The following PBX3 variants were observed in gnomAD, a reference collection of about 807,000 sequenced individuals.
PBX3 encodes the protein pre-B-cell leukemia transcription factor 3.
PBX3 carries 14 observed loss-of-function variants against 48.5 expected under a neutral mutation model. That is an observed-to-expected ratio of 0.29 (90% CI 0.19 to 0.45). PBX3 has a LOEUF of 0.45. Ranked by LOEUF, PBX3 falls within the 20% of genes least tolerant of loss-of-function variation. The probability of loss-of-function intolerance (pLI) is 1.00; values close to 1 mark genes in which losing one functional copy is unlikely to be tolerated. For synonymous variants in PBX3, 210 were observed against 200.3 expected, an observed-to-expected ratio of 1.05 and a Z score of -0.41; for missense variants, 386 against 546.7, an observed-to-expected ratio of 0.71 and a Z score of 2.93.
Position 125,943,352 on chromosome 9 carries a change from CAAAAAAAAAAAAAAAAAAAAAAAAAAAAA to C in PBX3, c.843+7764_843+7792del, listed in dbSNP as rs60326557. ...CTTGGGCTGCAGAGTGAGACTGTCT[CAAAAAAAAAAAAAAAAAAAAAAAAAAAAA>C]AAAAAAAAAAAAAAAAAAGAAAGGA... On this transcript the variant is annotated intron_variant, in intron 5 of 8. Transcript: ENST00000373489. Among the ~76,000 whole-genome samples the C allele has an allele frequency of 1.5e-3, 90 of 60,882 alleles. No homozygotes were observed. The East Asian group carries it at 0.025, about 17-fold the overall frequency. 39.9% of individuals were successfully genotyped at this position (60,882 alleles called of 152,430 possible). A position where few individuals can be genotyped will look rare whatever the true frequency, so the allele number is the denominator to read the frequency against.
chr9:125,863,518 T>C (rs1292725202), intron 2 of PBX3, among the ~76,000 whole-genome samples: 1 of 152,216 alleles, frequency 6.6e-6, no homozygotes, highest in Non-Finnish European at 1.5e-5. Context: ...CCCTGACATA[T>C]GATTTTTAAA....
intron 5 of PBX3, among the ~76,000 whole-genome samples, chr9:125,936,636 T>C (rs1841842251): frequency 6.6e-6 from 1 of 152,182 alleles, no homozygotes; most frequent in African/African-American, 2.4e-5. Context: ...GAATAGGGCC[T>C]GGGTGTAAGA....
At chr9:125,831,045 T>C (rs1333073537) in intron 2 of PBX3, among the ~76,000 whole-genome samples, 3 of 152,244 alleles carry the variant, frequency 2.0e-5, no homozygotes, top group Non-Finnish European at 4.4e-5. Context: ...CTTTTTCATA[T>C]ACCATTGACT....
intron 2 of PBX3, among the ~76,000 whole-genome samples, chr9:125,783,469 G>A (rs1467121724): frequency 6.6e-6 from 1 of 151,922 alleles, no homozygotes; most frequent in Non-Finnish European, 1.5e-5. Context: ...TGTATTTTTA[G>A]TAGAGATGGG....
intron 3 of PBX3, among the ~76,000 whole-genome samples, chr9:125,927,725 A>G (rs558953556): frequency 6.6e-6 from 1 of 152,208 alleles, no homozygotes; most frequent in Admixed American, 6.5e-5. Flanking sequence ...GCCCAGTTAT[A>G]CAGATTTATA....
rs1840842441 is a variant in PBX3 at position 125,899,035 on chromosome 9, C to G, written c.275-16651C>G. 6.0e-5 allele frequency among the ~76,000 whole-genome samples: 9 copies of G among 150,848 alleles called. No homozygotes were observed. In the South Asian group the frequency reaches 1.9e-3, roughly 31 times the overall value. ...CAGGAGGTGTTTTTCTCCAATAAGTCGTTTGGTAAAAGAAACATCTGTGGT... is the reference window on the plus strand; with the variant it reads ...CAGGAGGTGTTTTTCTCCAATAAGTGGTTTGGTAAAAGAAACATCTGTGGT... On this transcript the variant is annotated intron_variant, in intron 2 of 8. Transcript: ENST00000373489.
At position 125,876,089 on chromosome 9, in the gene PBX3, A is replaced by G. The variant is rs566023472; in HGVS notation, c.275-39597A>G. 9.3e-4 allele frequency among the ~76,000 whole-genome samples: 141 copies of G among 152,328 alleles called. 3 individuals carry two copies. In the Middle Eastern group the frequency reaches 0.014, roughly 15 times the overall value. On this transcript the variant is annotated intron_variant, in intron 2 of 8. Coordinates refer to ENST00000373489, the MANE Select transcript of PBX3 (RefSeq NM_006195.6). Reference sequence around the variant, plus strand: ...AATTCCTCATATCATTTTCTGTAGTATGCTTTAAATGTATATCATGTTTTA... The same window carrying G: ...AATTCCTCATATCATTTTCTGTAGTGTGCTTTAAATGTATATCATGTTTTA...
rs547066954 is a variant in PBX3, at chr9:125,890,999, G to T, written c.275-24687G>T. On this transcript the variant is annotated intron_variant, in intron 2 of 8. Coordinates refer to ENST00000373489, the MANE Select transcript of PBX3 (RefSeq NM_006195.6). The stretch of plus-strand genomic sequence containing the variant: ...AACTAGGCCATCCTTTCAAGGCCAT[G>T]TGTAGTTGCCAACCATGATAACATT... Among the ~76,000 whole-genome samples the T allele has an allele frequency of 3.0e-4, 45 of 152,336 alleles. No homozygotes were observed. The South Asian group carries it at 8.9e-3, about 30-fold the overall frequency.
chr9:125,799,314 A>C (rs1263799492), intron 2 of PBX3, among the ~76,000 whole-genome samples: 1 of 152,118 alleles, frequency 6.6e-6, no homozygotes, highest in African/African-American at 2.4e-5. Context: ...GGAGTTTGAG[A>C]CCAGCCTGGG....
intron 2 of PBX3, among the ~76,000 whole-genome samples, chr9:125,809,224 G>A (rs1245684393): frequency 1.3e-5 from 2 of 152,216 alleles, no homozygotes; most frequent in South Asian, 2.1e-4. Context: ...ACTGTTCCTT[G>A]CATATGCGTG....
At chr9:125,853,710 C>T (rs1348133532) in intron 2 of PBX3, among the ~76,000 whole-genome samples, 3 of 152,132 alleles carry the variant, frequency 2.0e-5, no homozygotes, top group Non-Finnish European at 4.4e-5. Flanking sequence ...GTTAAGTTTC[C>T]TTATTAAAGA....
intron 2 of PBX3, among the ~76,000 whole-genome samples, chr9:125,856,196 A>G (rs933607577): frequency 1.3e-5 from 2 of 152,218 alleles, no homozygotes; most frequent in African/African-American, 4.8e-5. Flanking sequence ...TAACAAATAA[A>G]TATATTAATA....
intron 4 of PBX3, among the ~76,000 whole-genome samples, chr9:125,934,902 T>C (rs1384880858): frequency 6.6e-6 from 1 of 152,182 alleles, no homozygotes; most frequent in African/African-American, 2.4e-5. Flanking sequence ...TTTCATGCGC[T>C]CCTCCACCTA....
chr9:125,943,705 A>G (rs1842010889), intron 5 of PBX3, among the ~76,000 whole-genome samples: 1 of 152,184 alleles, frequency 6.6e-6, no homozygotes, highest in Non-Finnish European at 1.5e-5. Flanking sequence ...AGGACACTTT[A>G]TAAGTGAGGT....
chr9:125,926,799 A>G (rs1486930925), intron 3 of PBX3, among the ~76,000 whole-genome samples: 1 of 152,196 alleles, frequency 6.6e-6, no homozygotes, highest in Non-Finnish European at 1.5e-5. Flanking sequence ...CAGCCTGGGT[A>G]ACAAGAGCTA....
intron 4 of PBX3, among the ~76,000 whole-genome samples, chr9:125,930,775 C>T (rs989153398): frequency 6.6e-6 from 1 of 152,190 alleles, no homozygotes. Flanking sequence ...CTCCCTGTCT[C>T]CAGTCCTACT....
At chr9:125,828,815 C>T (rs894539957) in intron 2 of PBX3, among the ~76,000 whole-genome samples, 4 of 152,196 alleles carry the variant, frequency 2.6e-5, no homozygotes, top group Non-Finnish European at 5.9e-5. Context: ...ATTTGTTTGC[C>T]TTTATTCCTA....
chr9:125,823,214 C>T (rs181382780), intron 2 of PBX3, among the ~76,000 whole-genome samples: 17 of 152,268 alleles, frequency 1.1e-4, no homozygotes, highest in Admixed American at 1.0e-3. Context: ...CTGACCATTG[C>T]TGTTGATTAT....
chr9:125,957,818 A>G (rs567509622), intron 5 of PBX3, among the ~76,000 whole-genome samples: 10 of 152,346 alleles, frequency 6.6e-5, no homozygotes, highest in African/African-American at 1.7e-4. Context: ...AACCAAGACT[A>G]TCCTCCTTTG....
Sources: gnomAD v4.1 joint callset for allele counts (sites outside exome capture counted in the v4.1 genomes callset) on GRCh38, gnomAD v4.1.1 for gene constraint, MANE v1.5 for transcripts, NCBI Gene and HGNC (gene_info 2026-07-23, HGNC 2026-07-21) for gene names.